The following USH2A variants were observed in gnomAD, a reference collection of about 807,000 sequenced individuals.
USH2A encodes the protein usherin.
In USH2A, 443 loss-of-function variants were observed where a neutral mutation model predicts 538.9. The ratio of observed to expected loss-of-function variants is 0.82; its 90% CI spans 0.76 to 0.89. USH2A has a LOEUF of 0.89. USH2A is among the 40% of genes least tolerant of loss of function. The pLI, the probability that USH2A is intolerant of heterozygous loss-of-function variation, is 0.00. For synonymous variants in USH2A, 2,413 were observed against 2,273.5 expected (o/e 1.06, Z -1.75); for missense variants, 6,633 against 6,324.8 (o/e 1.05, Z -1.65).
At position 215,779,904 on chromosome 1, in the gene USH2A, C is replaced by A. The variant is rs766333064; in HGVS notation, c.10878G>T (p.Arg3626Ser). The change falls in exon 55 of 72, where the codon AGG (arginine) becomes AGT (serine). Residue 3626 changes from arginine to serine, a missense_variant. Physicochemically the swap from Arg to Ser is moderately radical, Grantham distance 110. Coordinates refer to ENST00000307340, the MANE Select transcript of USH2A (RefSeq NM_206933.4). ...TGTGGATGAGACCTTTCCCAACCTGCCTGATCTGGTACTCTTTAATGACGC... is the reference window on the plus strand; with the variant it reads ...TGTGGATGAGACCTTTCCCAACCTGACTGATCTGGTACTCTTTAATGACGC... ...SNGVIKEYQI[R>S]QVGKGLIHTD... 177 of 1,614,010 alleles carry A rather than the reference C, an allele frequency of 1.1e-4. No individual in the cohort carries two copies. The highest frequency in any genetic ancestry group is 1.5e-4 in the Non-Finnish European group (173 of 1,180,038).
chr1:216,402,126 G>T (rs1409479759), intron 3 of USH2A, among the ~76,000 whole-genome samples: 1 of 152,096 alleles, frequency 6.6e-6, no homozygotes, highest in Admixed American at 6.5e-5. Flanking sequence ...AAATACTTGT[G>T]AAACTTTCAC....
chr1:216,264,568 G>A (rs369142717), intron 11 of USH2A, among the ~76,000 whole-genome samples: 1 of 152,094 alleles, frequency 6.6e-6, no homozygotes, highest in African/African-American at 2.4e-5. Flanking sequence ...AAAGTGCTGG[G>A]ATTACAGGCG....
intron 13 of USH2A, among the ~76,000 whole-genome samples, chr1:216,237,040 A>G (rs937208553): frequency 6.6e-6 from 1 of 152,172 alleles, no homozygotes. Flanking sequence ...CAAAATCCAC[A>G]GCAAAACTTA....
chr1:216,144,357 T>A (rs1206488208), intron 21 of USH2A, among the ~76,000 whole-genome samples: 1 of 152,056 alleles, frequency 6.6e-6, no homozygotes, highest in Non-Finnish European at 1.5e-5. Flanking sequence ...CTTTTTTTTT[T>A]AATACTTGGA....
chr1:215,682,546 C>T (rs925610986), intron 61 of USH2A, among the ~76,000 whole-genome samples: 2 of 152,078 alleles, frequency 1.3e-5, no homozygotes, highest in African/African-American at 2.4e-5. Flanking sequence ...ATTATAGATT[C>T]GTTTAATAAA....
chr1:216,422,338 T>C lies in USH2A; in HGVS notation c.-2A>G. The C allele has an allele frequency of 1.2e-6, 2 of 1,613,638 alleles. No individual in the cohort carries two copies. The highest frequency in any genetic ancestry group is 4.5e-5 in the East Asian group (2 of 44,838). On this transcript the variant is annotated 5_prime_UTR_variant, in exon 2 of 72. Transcript: ENST00000307340. ...CAATGAAAGAACTGGGCAATTCATG[T>C]TTACAAAAAAGCATTCTCCTCCTGA... is the stretch of plus-strand genomic sequence containing the variant.
At chr1:216,012,955 T>C (rs6695388) in intron 32 of USH2A, among the ~76,000 whole-genome samples, 93,718 of 151,830 alleles carry the variant, frequency 0.62, 29,245 homozygotes, top group East Asian at 0.75. Flanking sequence ...CTCATACATG[T>C]CCTGCTCTTG....
At chr1:215,785,152 G>A (rs2102765529) in intron 52 of USH2A, among the ~76,000 whole-genome samples, 1 of 152,268 alleles carries the variant, frequency 6.6e-6, no homozygotes, top group Admixed American at 6.5e-5. Context: ...TCATAAGGAT[G>A]TTTCAATCTA....
In USH2A at chr1:216,285,991, CA is replaced by C. The variant is rs144417863; in HGVS notation, c.1971+3288del. On this transcript the variant is annotated intron_variant, in intron 11 of 71. Coordinates refer to ENST00000307340, the MANE Select transcript of USH2A (RefSeq NM_206933.4). ...GCTTTTGCTTTTACAGGCTTGTAGG[CA>C]GAAGGGACATGCCTTGCCTCAGATG... Among the ~76,000 whole-genome samples the C allele has an allele frequency of 4.2e-3, 643 of 152,196 alleles. 5 individuals carry two copies. Among genetic ancestry groups the C allele is most frequent in the African/African-American group, 0.015 (627 of 41,518 alleles).
intron 62 of USH2A, 66 bp from the exon 63 acceptor site, chr1:215,675,682 C>T: frequency 1.2e-6 from 2 of 1,611,672 alleles, no homozygotes; most frequent in Non-Finnish European, 1.7e-6. Context: ...GTTACTTAGC[C>T]CCTTTTTAAC....
chr1:216,374,108 T>G (rs1243363704), intron 3 of USH2A, among the ~76,000 whole-genome samples: 17 of 53,314 alleles, frequency 3.2e-4, no homozygotes, highest in South Asian at 8.7e-4. Context: ...TTTTGTGGGG[T>G]GGGGGGAGGG....
chr1:215,785,420 GTTTC>G (rs1201026105), intron 52 of USH2A, among the ~76,000 whole-genome samples: 3 of 152,174 alleles, frequency 2.0e-5, no homozygotes, highest in Non-Finnish European at 2.9e-5. Flanking sequence ...ATTTGAATAT[GTTTC>G]TTTCTCATGG....
At chr1:215,627,397 C>T (rs1453272546) in intron 71 of USH2A, among the ~76,000 whole-genome samples, 2 of 64,988 alleles carry the variant, frequency 3.1e-5, no homozygotes, top group African/African-American at 5.9e-5. Flanking sequence ...TCCTTCCTTC[C>T]TTCCTTCCTT....
At position 215,896,656 on chromosome 1, in the gene USH2A, T is replaced by C. The variant is rs368992683; in HGVS notation, c.7594+3419A>G. ...ACTATACAGAAAACAATTGCAAACA[T>C]ACGAGAGAGAAGGAACAATCATATA... is the stretch of plus-strand genomic sequence containing the variant. On this transcript the variant is annotated intron_variant, in intron 40 of 71. Transcript: ENST00000307340. Among the ~76,000 whole-genome samples the C allele has an allele frequency of 2.6e-5, 4 of 152,238 alleles. No individual in the cohort carries two copies. The South Asian group carries it at 8.3e-4, about 32-fold the overall frequency.
chr1:215,672,543 A>G (rs1410665703), intron 63 of USH2A, among the ~76,000 whole-genome samples: 1 of 152,156 alleles, frequency 6.6e-6, no homozygotes, highest in Non-Finnish European at 1.5e-5. Flanking sequence ...TGTGAAGTCA[A>G]TTTTGATTTC....
intron 63 of USH2A, among the ~76,000 whole-genome samples, chr1:215,671,974 G>C (rs989235769): frequency 6.6e-6 from 1 of 152,112 alleles, no homozygotes; most frequent in Non-Finnish European, 1.5e-5. Context: ...ACCTTGCGGG[G>C]CCAAAGTTAA....
chr1:215,948,173 G>T, intron 37 of USH2A, among the ~76,000 whole-genome samples: 1 of 151,902 alleles, frequency 6.6e-6, no homozygotes, highest in Non-Finnish European at 1.5e-5. Context: ...AAGGTCTTTT[G>T]TTTCTGAAAT....
chr1:215,756,455 C>A (rs1261878839), intron 58 of USH2A, among the ~76,000 whole-genome samples: 1 of 152,192 alleles, frequency 6.6e-6, no homozygotes, highest in African/African-American at 2.4e-5. Flanking sequence ...CCTTGCTCAT[C>A]ACCCTGAAAT....
chr1:215,677,901 C>T lies in USH2A; in HGVS notation c.12294+2248G>A, dbSNP rs374843814. Reference sequence around the variant, plus strand: ...ACTCTCAGGAGTTTTAGACTTGTACCTCACACTATCTACTTGCTCCTAACT... The same window carrying T: ...ACTCTCAGGAGTTTTAGACTTGTACTTCACACTATCTACTTGCTCCTAACT... On this transcript the variant is annotated intron_variant, in intron 62 of 71. Coordinates refer to ENST00000307340, the MANE Select transcript of USH2A (RefSeq NM_206933.4). 1.4e-4 allele frequency among the ~76,000 whole-genome samples: 21 copies of T among 152,276 alleles called. No homozygotes were observed. In the South Asian group the frequency reaches 4.1e-3, roughly 30 times the overall value.
Sources: gnomAD v4.1 joint callset for allele counts (sites outside exome capture counted in the v4.1 genomes callset) on GRCh38, gnomAD v4.1.1 for gene constraint, MANE v1.5 for transcripts, NCBI Gene and HGNC (gene_info 2026-07-23, HGNC 2026-07-21) for gene names.